EMC2: variants seen among roughly 807,000 people sequenced by gnomAD.
EMC2 encodes the protein TPR repeat protein 35.
In EMC2, 37 loss-of-function variants were observed where a neutral mutation model predicts 51.6. That is an observed-to-expected ratio of 0.72 (90% CI 0.55 to 0.94). EMC2 has a LOEUF of 0.94. Among genes scored for constraint, EMC2 ranks in the 40% least tolerant of loss-of-function variants. The probability of loss-of-function intolerance (pLI) is 0.00; values close to 1 mark genes in which losing one functional copy is unlikely to be tolerated. For missense variants in EMC2, 359 were observed against 350.9 expected (o/e 1.02, Z -0.18); for synonymous variants, 131 against 112.4 (o/e 1.17, Z -1.04).
intron 9 of EMC2, among the ~76,000 whole-genome samples, chr8:108,477,634 A>G (rs1810971082): frequency 6.6e-6 from 1 of 152,072 alleles, no homozygotes; most frequent in Admixed American, 6.6e-5. Context: ...TTAAAAAGGA[A>G]TGGCAAAATA....
At chr8:108,481,250 G>A (rs938919679) in intron 10 of EMC2, among the ~76,000 whole-genome samples, 1 of 152,056 alleles carries the variant, frequency 6.6e-6, no homozygotes, top group Admixed American at 6.6e-5. Flanking sequence ...TACAAATGTA[G>A]TGCCTCCATA....
chr8:108,459,158 A>G (rs373150934), intron 5 of EMC2, among the ~76,000 whole-genome samples: 2 of 152,190 alleles, frequency 1.3e-5, no homozygotes, highest in Non-Finnish European at 2.9e-5. Flanking sequence ...TGTCCGTATC[A>G]TTAGCATTTT....
chr8:108,466,878 T>C (rs1810726112), intron 5 of EMC2, among the ~76,000 whole-genome samples: 1 of 152,084 alleles, frequency 6.6e-6, no homozygotes, highest in Non-Finnish European at 1.5e-5. Context: ...TTTGTGTGGC[T>C]TTTGGGAGAT....
At chr8:108,466,967 G>A (rs1272986415) in intron 5 of EMC2, among the ~76,000 whole-genome samples, 3 of 152,124 alleles carry the variant, frequency 2.0e-5, no homozygotes, top group Non-Finnish European at 4.4e-5. Flanking sequence ...TGTCCAGAGA[G>A]CAAGAGACTA....
intron 5 of EMC2, among the ~76,000 whole-genome samples, chr8:108,456,272 G>A (rs1488330487): frequency 6.8e-6 from 1 of 147,102 alleles, no homozygotes; most frequent in Middle Eastern, 3.2e-3. Context: ...GGCAGAGGTT[G>A]CAGTGAGCTG....
At chr8:108,467,569 T>G (rs1810755560) in intron 5 of EMC2, among the ~76,000 whole-genome samples, 2 of 152,024 alleles carry the variant, frequency 1.3e-5, no homozygotes, top group African/African-American at 4.8e-5. Context: ...TTTAAAAATG[T>G]CTATTTATTT....
chr8:108,455,877 G>A lies in EMC2; in HGVS notation c.310G>A (p.Asp104Asn). The change falls in exon 5 of 11, where the codon GAT becomes AAT. Residue 104 changes from aspartate to asparagine, a missense_variant. Coordinates refer to ENST00000220853, the MANE Select transcript of EMC2 (RefSeq NM_014673.5). ...TTTCTTTTTCTTTTTAAATAGATAT[G>A]ATGATGCTATACAGCTATATGATAG... ...GMRFEAMERYDDAIQLYDRIL... is the reference protein window; with the variant it reads ...GMRFEAMERYNDAIQLYDRIL... 1 of 1,185,248 alleles carries A rather than the reference G, an allele frequency of 8.4e-7. No homozygotes were observed. Among genetic ancestry groups the A allele is most frequent in the East Asian group, 2.7e-5 (1 of 37,148 alleles). 73.4% of individuals were successfully genotyped at this position (1,185,248 alleles called of 1,614,324 possible). A position where few individuals can be genotyped will look rare whatever the true frequency, so the allele number is the denominator to read the frequency against.
chr8:108,453,005 C>T, intron 3 of EMC2, 57 bp from the exon 4 acceptor site: 1 of 839,298 alleles, frequency 1.2e-6, no homozygotes, highest in Non-Finnish European at 1.9e-6. Context: ...ATAGGCCATC[C>T]ATTGTAGCCC....
intron 10 of EMC2, among the ~76,000 whole-genome samples, chr8:108,480,107 G>A (rs1811020051): frequency 6.6e-6 from 1 of 151,984 alleles, no homozygotes; most frequent in Non-Finnish European, 1.5e-5. Flanking sequence ...CATCAGTTTA[G>A]CCCTTTTATT....
chr8:108,470,777 G>A (rs955962138), intron 7 of EMC2: 1 of 151,982 alleles, frequency 6.6e-6, no homozygotes, highest in Non-Finnish European at 1.5e-5. Flanking sequence ...CCATCTAGAG[G>A]CGTGTTTTTT....
chr8:108,461,768 G>T (rs889997456), intron 5 of EMC2, among the ~76,000 whole-genome samples: 54 of 151,636 alleles, frequency 3.6e-4, no homozygotes, highest in African/African-American at 1.2e-3. Context: ...AAATGATATG[G>T]TAAAAAAAAA....
At chr8:108,447,021 A>G (rs1370537019) in intron 1 of EMC2, among the ~76,000 whole-genome samples, 2 of 152,224 alleles carry the variant, frequency 1.3e-5, no homozygotes, top group Non-Finnish European at 2.9e-5. Context: ...TGCTTTAAAA[A>G]AAGTTCTCTT....
chr8:108,449,756 C>A (rs1368851811), intron 1 of EMC2, 67 bp from the exon 2 acceptor site: 3 of 637,536 alleles, frequency 4.7e-6, no homozygotes, highest in South Asian at 4.4e-5. Flanking sequence ...AGGTTTTTGA[C>A]ATCTATCGGA....
intron 7 of EMC2, among the ~76,000 whole-genome samples, chr8:108,472,360 G>C (rs990440391): frequency 2.6e-5 from 4 of 151,642 alleles, no homozygotes; most frequent in Admixed American, 6.6e-5. Context: ...TGAAACAGAG[G>C]TGAATGTACA....
At chr8:108,464,368 C>T (rs1819413312) in intron 5 of EMC2, among the ~76,000 whole-genome samples, 1 of 152,172 alleles carries the variant, frequency 6.6e-6, no homozygotes. Flanking sequence ...CCAACTCTGG[C>T]CATACGCCAG....
chr8:108,453,377 C>T (rs997141680), intron 4 of EMC2, among the ~76,000 whole-genome samples: 2 of 151,910 alleles, frequency 1.3e-5, no homozygotes, highest in Non-Finnish European at 2.9e-5. Flanking sequence ...TAAAAAATTG[C>T]GTTATTTTAC....
chr8:108,453,233 AGT>A (rs2130344150), intron 4 of EMC2, 86 bp downstream of exon 4: 5 of 656,474 alleles, frequency 7.6e-6, no homozygotes, highest in Non-Finnish European at 1.3e-5. Context: ...GACATTCTAG[AGT>A]GTGTGGAATA....
intron 5 of EMC2, among the ~76,000 whole-genome samples, chr8:108,461,036 C>A (rs1819306899): frequency 6.6e-6 from 1 of 152,192 alleles, no homozygotes; most frequent in Non-Finnish European, 1.5e-5. Context: ...AGACCTAGAA[C>A]TAATAAAGTC....
At chr8:108,462,121 A>C (rs1586182968) in intron 5 of EMC2, among the ~76,000 whole-genome samples, 2 of 152,012 alleles carry the variant, frequency 1.3e-5, no homozygotes, top group East Asian at 3.9e-4. Context: ...AAGCACTGTT[A>C]ATGATTTTTC....
Sources: allele counts gnomAD v4.1 joint callset (sites outside exome capture counted in the v4.1 genomes callset), GRCh38; gene constraint gnomAD v4.1.1; transcripts MANE v1.5; gene names NCBI Gene and HGNC (gene_info 2026-07-23, HGNC 2026-07-21).